The following EYS variants were observed in gnomAD, a reference collection of about 807,000 sequenced individuals.
EYS encodes the protein EGF-like photoreceptor maintenance factor.
EYS carries 250 observed loss-of-function variants against 282.1 expected under a neutral mutation model. That is an observed-to-expected ratio of 0.89 (90% CI 0.80 to 0.98). The LOEUF (loss-of-function observed/expected upper bound fraction) is 0.98. EYS is among the 50% of genes least tolerant of loss of function. The pLI is 0.00. For synonymous variants in EYS, 1,355 were observed against 1,282.9 expected (o/e 1.06, Z -1.20); for missense variants, 4,016 against 3,709.0 (o/e 1.08, Z -2.15).
chr6:65,282,812 T>A lies in EYS; in HGVS notation c.2023+13051A>T, dbSNP rs6901195. Among the ~76,000 whole-genome samples, 1,269 of 152,104 alleles carry A rather than the reference T, an allele frequency of 8.3e-3. 13 individuals carry two copies. Among genetic ancestry groups the A allele is most frequent in the African/African-American group, 0.029 (1,213 of 41,544 alleles). The stretch of plus-strand genomic sequence containing the variant: ...TCATTGCTCTATAACTATAATGTTT[T>A]TATTAATAAATACAGTAGCATTTGT... On this transcript the variant is annotated intron_variant, in intron 12 of 42. Coordinates refer to ENST00000503581, the MANE Select transcript of EYS (RefSeq NM_001142800.2).
intron 33 of EYS, among the ~76,000 whole-genome samples, chr6:64,011,128 TC>T (rs1768602396): frequency 6.6e-6 from 1 of 152,198 alleles, no homozygotes; most frequent in South Asian, 2.1e-4. Flanking sequence ...AAGTATGTAC[TC>T]TTACCTTCTT....
chr6:64,072,787 C>A (rs1243165668), intron 32 of EYS, among the ~76,000 whole-genome samples: 1 of 151,850 alleles, frequency 6.6e-6, no homozygotes, highest in African/African-American at 2.4e-5. Context: ...TCATAAACTG[C>A]TTTATGTTAC....
At chr6:65,048,163 G>A (rs1423219473) in intron 13 of EYS, among the ~76,000 whole-genome samples, 1 of 151,818 alleles carries the variant, frequency 6.6e-6, no homozygotes, top group African/African-American at 2.4e-5. Flanking sequence ...TCTTGCTTTT[G>A]TCTCACGTTC....
chr6:65,391,659 G>T (rs538795516), intron 7 of EYS, among the ~76,000 whole-genome samples: 92 of 152,028 alleles, frequency 6.1e-4, no homozygotes, highest in African/African-American at 2.2e-3. Context: ...CACCGCTCAA[G>T]GAAATAAAAG....
At chr6:63,863,082 T>C (rs2149709026) in intron 36 of EYS, among the ~76,000 whole-genome samples, 1 of 152,382 alleles carries the variant, frequency 6.6e-6, no homozygotes, top group African/African-American at 2.4e-5. Context: ...TTTGTGATTC[T>C]GGGGCAGAGG....
chr6:63,796,110 GGA>G (rs1770638329), intron 37 of EYS, among the ~76,000 whole-genome samples: 1 of 152,138 alleles, frequency 6.6e-6, no homozygotes, highest in Non-Finnish European at 1.5e-5. Context: ...TCTGTGCTTT[GGA>G]GAGACTTTCG....
At chr6:65,351,018 A>T (rs953367922) in intron 9 of EYS, among the ~76,000 whole-genome samples, 2 of 151,812 alleles carry the variant, frequency 1.3e-5, no homozygotes, top group African/African-American at 2.4e-5. Context: ...GTAAAAGAAG[A>T]TCTTAATGGC....
intron 22 of EYS, among the ~76,000 whole-genome samples, chr6:64,677,227 C>G (rs564125638): frequency 6.6e-6 from 1 of 151,854 alleles, no homozygotes; most frequent in Admixed American, 6.6e-5. Context: ...ACTGTTTTGC[C>G]TTCAGTTTAG....
chr6:65,083,344 G>T (rs1291558781), intron 12 of EYS, among the ~76,000 whole-genome samples: 3 of 151,702 alleles, frequency 2.0e-5, no homozygotes, highest in Non-Finnish European at 4.4e-5. Flanking sequence ...CTCTCAATTG[G>T]CTATACAACC....
rs564570660 is a variant in EYS, at chr6:64,548,212, C to T, written c.5644+42011G>A. Among the ~76,000 whole-genome samples, 14 of 152,224 alleles carry T rather than the reference C, an allele frequency of 9.2e-5. No individual in the cohort carries two copies. The South Asian group carries it at 1.0e-3, about 11-fold the overall frequency. ...GCGAGGGCTGCGAGGGCTGTCAGCA[C>T]GCTGTCACCTCTCAGTGGGACTGTA... On this transcript the variant is annotated intron_variant, in intron 26 of 42. Transcript: ENST00000503581.
intron 41 of EYS, among the ~76,000 whole-genome samples, chr6:63,739,216 C>G (rs1289508529): frequency 6.6e-6 from 1 of 152,122 alleles, no homozygotes; most frequent in East Asian, 1.9e-4. Flanking sequence ...CCTCCTGTCT[C>G]AGGTTATTTT....
At position 65,295,716 on chromosome 6, in the gene EYS, AT is replaced by A. The variant is rs34666704; in HGVS notation, c.2023+146del. The A allele has an allele frequency of 0.92, 554,608 of 605,448 alleles. 252,780 individuals are homozygous for A. Among genetic ancestry groups the A allele is most frequent in the East Asian group, 0.95 (28,268 of 29,860 alleles). 37.5% of individuals were successfully genotyped at this position (605,448 alleles called of 1,614,324 possible). On this transcript the variant is annotated intron_variant, in intron 12 of 42. Coordinates refer to ENST00000503581, the MANE Select transcript of EYS (RefSeq NM_001142800.2). ...GCAATCCTATTATTCAAGTGAATGC[AT>A]TTTTTTTTTTACTTTGCCAAATAAG...
chr6:65,584,440 T>C (rs955035175), intron 2 of EYS, among the ~76,000 whole-genome samples: 3 of 152,064 alleles, frequency 2.0e-5, no homozygotes, highest in African/African-American at 2.4e-5. Flanking sequence ...TTTCTATATC[T>C]GGGATTTCAG....
intron 12 of EYS, among the ~76,000 whole-genome samples, chr6:65,214,859 T>A (rs1441326854): frequency 6.6e-6 from 1 of 152,124 alleles, no homozygotes; most frequent in Admixed American, 6.5e-5. Context: ...AAATATGTTA[T>A]TTCTACTCTG....
At chr6:65,568,364 A>G (rs1380690859) in intron 2 of EYS, among the ~76,000 whole-genome samples, 1 of 151,244 alleles carries the variant, frequency 6.6e-6, no homozygotes, top group Non-Finnish European at 1.5e-5. Flanking sequence ...ACTCGTTGGA[A>G]AGTTGGGTCT....
chr6:63,952,417 AC>A (rs1336033945), intron 35 of EYS, among the ~76,000 whole-genome samples: 2 of 152,196 alleles, frequency 1.3e-5, no homozygotes, highest in Admixed American at 1.3e-4. Flanking sequence ...GGTAATTCTT[AC>A]AGTGGAGGGT....
chr6:64,948,058 G>A (rs1324597037), intron 14 of EYS, among the ~76,000 whole-genome samples: 6 of 151,574 alleles, frequency 4.0e-5, no homozygotes, highest in South Asian at 4.1e-4. Context: ...TCAATAACTT[G>A]ATAATTAGTA....
At chr6:63,886,396 A>T (rs1003526543) in intron 35 of EYS, among the ~76,000 whole-genome samples, 1 of 152,200 alleles carries the variant, frequency 6.6e-6, no homozygotes, top group Admixed American at 6.5e-5. Context: ...GAAGTCCCAT[A>T]GTTTGTACAG....
chr6:64,418,123 T>A (rs965198843), intron 28 of EYS, among the ~76,000 whole-genome samples: 16 of 152,242 alleles, frequency 1.1e-4, no homozygotes, highest in Middle Eastern at 6.8e-3. Context: ...GGGCTAATAG[T>A]TCCCTACCCA....
Sources: allele counts gnomAD v4.1 joint callset (sites outside exome capture counted in the v4.1 genomes callset), GRCh38; gene constraint gnomAD v4.1.1; transcripts MANE v1.5; gene names NCBI Gene and HGNC (gene_info 2026-07-23, HGNC 2026-07-21).